The following TENM4 variants were observed in gnomAD, a reference collection of about 807,000 sequenced individuals.
TENM4 encodes the protein teneurin-4.
Under a neutral mutation model 243.3 loss-of-function variants are expected in TENM4, and 82 were observed. The ratio of observed to expected loss-of-function variants is 0.34; its 90% CI spans 0.28 to 0.40. The LOEUF (loss-of-function observed/expected upper bound fraction) is 0.40, where lower values mean the gene tolerates loss of function less well. Among genes scored for constraint, TENM4 ranks in the 10% least tolerant of loss-of-function variants. TENM4 has a pLI of 1.00. For synonymous variants in TENM4, 1,412 were observed against 1,456.3 expected (o/e 0.97, Z 0.69); for missense variants, 3,138 against 3,673.3 (o/e 0.85, Z 3.77).
At chr11:79,342,399 C>A (rs1857256509) in intron 1 of TENM4, among the ~76,000 whole-genome samples, 1 of 152,120 alleles carries the variant, frequency 6.6e-6, no homozygotes, top group African/African-American at 2.4e-5. Context: ...AAATGTGGAA[C>A]ATGGACTTTG....
intron 2 of TENM4, among the ~76,000 whole-genome samples, chr11:79,236,991 G>A (rs1046320273): frequency 6.6e-6 from 1 of 152,158 alleles, no homozygotes; most frequent in Non-Finnish European, 1.5e-5. Flanking sequence ...GCCATGCCAG[G>A]TACTTCTCTG....
intron 1 of TENM4, among the ~76,000 whole-genome samples, chr11:79,331,252 C>T (rs1857057744): frequency 6.6e-6 from 1 of 151,926 alleles, no homozygotes; most frequent in South Asian, 2.1e-4. Context: ...TACCCCTTTG[C>T]ACAGCCAGCA....
intron 4 of TENM4, among the ~76,000 whole-genome samples, chr11:79,084,117 A>C (rs1164565497): frequency 6.6e-6 from 1 of 152,248 alleles, no homozygotes; most frequent in Non-Finnish European, 1.5e-5. Context: ...ACATGAAAAG[A>C]TATTCACCAT....
intron 10 of TENM4, among the ~76,000 whole-genome samples, chr11:78,862,129 T>C (rs183963630): frequency 5.3e-4 from 81 of 152,244 alleles, no homozygotes; most frequent in Non-Finnish European, 7.4e-5. Flanking sequence ...CATTGTACAA[T>C]AGAATTTCAC....
At position 78,903,475 on chromosome 11, in the gene TENM4, G is replaced by T. The variant is rs565315108; in HGVS notation, c.542C>A (p.Pro181Gln). The T allele has an allele frequency of 6.5e-7, 1 of 1,548,136 alleles. No individual in the cohort carries two copies. Among genetic ancestry groups the T allele is most frequent in the Admixed American group, 2.0e-5 (1 of 50,750 alleles). Residue 181 changes from proline (P) to glutamine (Q), a missense_variant, in exon 7 of 34, where the codon CCG (proline) becomes CAG (glutamine). By Grantham distance (76) the Pro-to-Gln change is moderately conservative. Coordinates refer to ENST00000278550, the MANE Select transcript of TENM4 (RefSeq NM_001098816.3). ...QNHARLRTPP[P>Q]PLSHAHTPNQ... ...GGGGGTGTGGGCGTGCGAGAGCGGC[G>T]GCGGCGGCGTCCGGAGCCGCGCGTG...
intron 6 of TENM4, among the ~76,000 whole-genome samples, chr11:78,926,037 A>G (rs983142417): frequency 6.6e-6 from 1 of 152,124 alleles, no homozygotes; most frequent in Non-Finnish European, 1.5e-5. Context: ...AATGATTATA[A>G]TATTATGATA....
At chr11:78,713,856 G>A (rs1859459597) in intron 25 of TENM4, among the ~76,000 whole-genome samples, 1 of 152,038 alleles carries the variant, frequency 6.6e-6, no homozygotes, top group African/African-American at 2.4e-5. Flanking sequence ...CAAGTCTAGG[G>A]CACATCGGAG....
intron 4 of TENM4, among the ~76,000 whole-genome samples, chr11:79,146,411 T>C (rs1862395929): frequency 6.6e-6 from 1 of 152,108 alleles, no homozygotes; most frequent in Non-Finnish European, 1.5e-5. Flanking sequence ...CTGAATTTAA[T>C]AATTGCCAGC....
At chr11:79,333,730 C>G (rs959401484) in intron 1 of TENM4, among the ~76,000 whole-genome samples, 6 of 152,162 alleles carry the variant, frequency 3.9e-5, no homozygotes, top group African/African-American at 1.4e-4. Flanking sequence ...TCTATGAAGC[C>G]AATTGTACGT....
chr11:79,291,575 C>A (rs1222605319), intron 2 of TENM4, among the ~76,000 whole-genome samples: 1 of 152,060 alleles, frequency 6.6e-6, no homozygotes, highest in East Asian at 1.9e-4. Flanking sequence ...TATGGAAATC[C>A]CAGAGAGGAT....
chr11:79,086,865 G>T (rs938909847), intron 4 of TENM4, among the ~76,000 whole-genome samples: 1 of 148,154 alleles, frequency 6.7e-6, no homozygotes, highest in African/African-American at 2.5e-5. Flanking sequence ...GAAATATTAC[G>T]AGGGTAATAA....
At chr11:79,433,846 AG>A (rs1157485523) in intron 1 of TENM4, among the ~76,000 whole-genome samples, 3 of 152,246 alleles carry the variant, frequency 2.0e-5, no homozygotes, top group Non-Finnish European at 4.4e-5. Flanking sequence ...GAGTGGCATA[AG>A]TATCAAAGCA....
chr11:79,023,066 G>A (rs1321992268), intron 6 of TENM4, among the ~76,000 whole-genome samples: 1 of 152,140 alleles, frequency 6.6e-6, no homozygotes, highest in Admixed American at 6.5e-5. Flanking sequence ...CAAATCCTGT[G>A]CCTCTAACCA....
At chr11:79,012,562 ATCTGAACTTATCTCCAAGT>A (rs1858673479) in intron 6 of TENM4, among the ~76,000 whole-genome samples, 1 of 152,220 alleles carries the variant, frequency 6.6e-6, no homozygotes, top group Non-Finnish European at 1.5e-5. Flanking sequence ...TAAATGCTCA[ATCTGAACTTATCTCCAAGT>A]TCTTGAGAAA....
chr11:79,084,784 CGTT>C (rs199980262), intron 4 of TENM4, among the ~76,000 whole-genome samples: 3,178 of 152,080 alleles, frequency 0.021, 109 homozygotes, highest in African/African-American at 0.066. Context: ...TGGAAATGTT[CGTT>C]GTCTTGACTG....
chr11:79,076,049 G>A (rs529957233), intron 4 of TENM4, among the ~76,000 whole-genome samples: 59 of 152,298 alleles, frequency 3.9e-4, no homozygotes, highest in African/African-American at 1.3e-3. Flanking sequence ...TTATGCTAAC[G>A]TGGGTCTTGG....
intron 25 of TENM4, among the ~76,000 whole-genome samples, chr11:78,719,096 C>T (rs1253188622): frequency 6.6e-6 from 1 of 152,142 alleles, no homozygotes; most frequent in Non-Finnish European, 1.5e-5. Flanking sequence ...GAGCTCCTCC[C>T]TGTGCCTAAA....
At chr11:79,342,951 C>T (rs1326077687) in intron 1 of TENM4, among the ~76,000 whole-genome samples, 1 of 152,244 alleles carries the variant, frequency 6.6e-6, no homozygotes. Context: ...GGTGTTTGCA[C>T]AGTTGTTTGA....
intron 19 of TENM4, chr11:78,749,361 T>TC (rs1167377305): frequency 2.6e-5 from 4 of 151,218 alleles, no homozygotes; most frequent in Admixed American, 2.6e-4. Context: ...TTCTTTCCTT[T>TC]TTTTTTTTTT....
Sources: gnomAD v4.1 joint callset for allele counts (sites outside exome capture counted in the v4.1 genomes callset) on GRCh38, gnomAD v4.1.1 for gene constraint, MANE v1.5 for transcripts, NCBI Gene and HGNC (gene_info 2026-07-23, HGNC 2026-07-21) for gene names.